Variants in SPATS2 observed in about 807,000 individuals in gnomAD.
SPATS2 encodes the protein spermatogenesis-associated serine-rich protein 2.
Under a neutral mutation model 63.7 loss-of-function variants are expected in SPATS2, and 38 were observed. That is an observed-to-expected ratio of 0.60 (90% confidence interval 0.46 to 0.78). The LOEUF (loss-of-function observed/expected upper bound fraction) is 0.78. Ranked by LOEUF, SPATS2 falls within the 30% of genes least tolerant of loss-of-function variation. The probability of loss-of-function intolerance (pLI) is 0.00; values close to 1 mark genes in which losing one functional copy is unlikely to be tolerated. For missense variants in SPATS2, 588 were observed against 666.2 expected, an observed-to-expected ratio of 0.88 and a Z score of 1.29; for synonymous variants, 207 against 232.9, an observed-to-expected ratio of 0.89 and a Z score of 1.01.
chr12:49,382,096 C>G (rs778728507), intron 2 of SPATS2, among the ~76,000 whole-genome samples: 2 of 152,208 alleles, frequency 1.3e-5, no homozygotes, highest in African/African-American at 2.4e-5. Flanking sequence ...CTGTCTCTTG[C>G]GATGCCTCTG....
intron 2 of SPATS2, among the ~76,000 whole-genome samples, chr12:49,378,332 C>G: frequency 6.7e-6 from 1 of 148,458 alleles, no homozygotes; most frequent in East Asian, 2.0e-4. Context: ...GAGTCTCACT[C>G]TGTCACCCAG....
chr12:49,524,970 C>G (rs1252480214), intron 13 of SPATS2, 74 bp downstream of exon 13: 1 of 1,427,826 alleles, frequency 7.0e-7, no homozygotes, highest in Admixed American at 1.8e-5. Context: ...GCTGTTAGCT[C>G]AGTATATTAT....
At chr12:49,433,429 C>T (rs1368713331) in intron 2 of SPATS2, among the ~76,000 whole-genome samples, 1 of 152,234 alleles carries the variant, frequency 6.6e-6, no homozygotes, top group Non-Finnish European at 1.5e-5. Context: ...TCCCAAAGTG[C>T]TGGGATTACA....
At chr12:49,443,435 TA>T (rs1945458663) in intron 2 of SPATS2, among the ~76,000 whole-genome samples, 1 of 152,248 alleles carries the variant, frequency 6.6e-6, no homozygotes, top group Admixed American at 6.5e-5. Flanking sequence ...TCTATTGATC[TA>T]TATGCCTGTT....
chr12:49,454,539 C>G (rs890350231), intron 2 of SPATS2, among the ~76,000 whole-genome samples: 4 of 152,058 alleles, frequency 2.6e-5, no homozygotes, highest in African/African-American at 7.2e-5. Flanking sequence ...GTCTGCATAC[C>G]CTCTCACCAA....
chr12:49,449,933 C>CTCT (rs995728966), intron 2 of SPATS2, among the ~76,000 whole-genome samples: 1 of 152,024 alleles, frequency 6.6e-6, no homozygotes, highest in African/African-American at 2.4e-5. Context: ...TTGTTGAACT[C>CTCT]TTTATTCTTT....
intron 2 of SPATS2, among the ~76,000 whole-genome samples, chr12:49,387,552 T>G (rs11611743): frequency 0.3 from 44,323 of 150,044 alleles, 8,818 homozygotes; most frequent in African/African-American, 0.57. Context: ...CAGGAGAATC[T>G]CTTGAAGCTG....
Position 49,460,992 on chromosome 12 carries a change from T to C in SPATS2, c.-21T>C. 6.2e-7 allele frequency: 1 copy of C among 1,613,716 alleles called. No homozygotes were observed. Among genetic ancestry groups the C allele is most frequent in the Non-Finnish European group, 8.5e-7 (1 of 1,179,826 alleles). On this transcript the variant is annotated 5_prime_UTR_variant, in exon 3 of 14. Transcript: ENST00000552918. ...AAAAGGATACTTTTCTTGTATATTT[T>C]TTGAGATCGAAGAAACGACAATGTC...
Position 49,375,141 on chromosome 12 carries a change from A to AGTGTGT in SPATS2, c.-244+3901_-244+3906dup, listed in dbSNP as rs10601423. Among the ~76,000 whole-genome samples, 97 of 123,374 alleles carry AGTGTGT rather than the reference A, an allele frequency of 7.9e-4. No homozygotes were observed. The East Asian group carries it at 8.9e-3, about 11-fold the overall frequency. The allele number at this position is 123,374 out of a possible 152,430, so 80.9% of individuals were successfully genotyped here. A position where few individuals can be genotyped will look rare whatever the true frequency, so the allele number is the denominator to read the frequency against. ...CAAGATGTATGATTGCAAGTTGTGG[A>AGTGTGT]GTGTGTGTGTGTGTGTGTGTGTGTG... On this transcript the variant is annotated intron_variant, in intron 2 of 13. Transcript: ENST00000552918.
intron 2 of SPATS2, among the ~76,000 whole-genome samples, chr12:49,402,339 AGGATGTAAGAGGGGAATG>A (rs1165296906): frequency 2.6e-5 from 4 of 152,152 alleles, no homozygotes; most frequent in Admixed American, 2.6e-4. Flanking sequence ...GAGGAAAATG[AGGATGTAAGAGGGGAATG>A]GGATCAATGG....
intron 2 of SPATS2, among the ~76,000 whole-genome samples, chr12:49,424,876 C>T (rs774624714): frequency 2.6e-5 from 4 of 152,050 alleles, no homozygotes; most frequent in South Asian, 2.1e-4. Context: ...GATGGGGTTT[C>T]GCCGTGTTGG....
rs762931743 is a variant in SPATS2 at position 49,520,566 on chromosome 12, T to G, written c.1008+1384T>G. ...GAACTTCACAGTGGCAGGCAGGAGC[T>G]CCTGTCTCTCCAAGTGCCTAGCACA... On this transcript the variant is annotated intron_variant, in intron 11 of 13. Coordinates refer to ENST00000552918, the MANE Select transcript of SPATS2 (RefSeq NM_023071.4). 2.6e-5 allele frequency among the ~76,000 whole-genome samples: 4 copies of G among 152,306 alleles called. No individual in the cohort carries two copies. The South Asian group carries it at 6.2e-4, about 24-fold the overall frequency.
intron 3 of SPATS2, 79 bp downstream of exon 3, chr12:49,461,116 T>C: frequency 1.4e-6 from 2 of 1,470,018 alleles, no homozygotes; most frequent in South Asian, 2.4e-5. Context: ...TTAAAAACTG[T>C]CCTTCTAATG....
intron 3 of SPATS2, among the ~76,000 whole-genome samples, chr12:49,482,621 C>T (rs1946225662): frequency 6.6e-6 from 1 of 152,202 alleles, no homozygotes; most frequent in African/African-American, 2.4e-5. Context: ...TATTATTAAA[C>T]TCTATTAAGA....
intron 3 of SPATS2, chr12:49,469,478 C>G: frequency 7.9e-6 from 3 of 379,150 alleles, no homozygotes; most frequent in Non-Finnish European, 1.5e-5. Flanking sequence ...GGGAATCACT[C>G]AAGCCTGGGA....
intron 2 of SPATS2, among the ~76,000 whole-genome samples, chr12:49,424,522 A>G (rs1032620986): frequency 6.6e-6 from 1 of 152,088 alleles, no homozygotes; most frequent in Non-Finnish European, 1.5e-5. Flanking sequence ...TGTCTAGTAG[A>G]TTGTATTAGT....
At chr12:49,482,081 A>C (rs1277166792) in intron 3 of SPATS2, among the ~76,000 whole-genome samples, 1 of 152,242 alleles carries the variant, frequency 6.6e-6, no homozygotes, top group East Asian at 1.9e-4. Flanking sequence ...TAAGGTTTTG[A>C]ATCTACTTGA....
chr12:49,386,325 A>G (rs1021171667), intron 2 of SPATS2, among the ~76,000 whole-genome samples: 3 of 150,930 alleles, frequency 2.0e-5, no homozygotes, highest in African/African-American at 7.3e-5. Context: ...CACCATGCCC[A>G]ACTAATTTTT....
intron 2 of SPATS2, among the ~76,000 whole-genome samples, chr12:49,456,977 C>G (rs937312689): frequency 2.0e-5 from 3 of 151,960 alleles, no homozygotes; most frequent in African/African-American, 4.8e-5. Context: ...TCATCTGTGT[C>G]TATTCTGTTT....
Sources: allele counts gnomAD v4.1 joint callset (sites outside exome capture counted in the v4.1 genomes callset), GRCh38; gene constraint gnomAD v4.1.1; transcripts MANE v1.5; gene names NCBI Gene and HGNC (gene_info 2026-07-23, HGNC 2026-07-21).